The following GALNT17 variants were observed in gnomAD, a reference collection of about 807,000 sequenced individuals.
GALNT17 encodes UDP-GalNAc:polypeptide N-acetylgalactosaminyltransferase-like 3.
Under a neutral mutation model 63.7 loss-of-function variants are expected in GALNT17, and 29 were observed. That is an observed-to-expected ratio of 0.46 (90% CI 0.34 to 0.62). The LOEUF is 0.62. GALNT17 is among the 20% of genes least tolerant of loss of function. GALNT17 has a pLI of 0.01. For synonymous variants in GALNT17, 305 were observed against 318.3 expected (o/e 0.96, Z 0.45); for missense variants, 603 against 799.6 (o/e 0.75, Z 2.97).
chr7:71,386,574 G>A (rs1792948824), intron 2 of GALNT17, among the ~76,000 whole-genome samples: 1 of 152,276 alleles, frequency 6.6e-6, no homozygotes, highest in African/African-American at 2.4e-5. Context: ...AGCAGAGCAC[G>A]TTCCCCGGGT....
intron 2 of GALNT17, among the ~76,000 whole-genome samples, chr7:71,378,981 G>A (rs1191622302): frequency 2.6e-5 from 4 of 152,086 alleles, no homozygotes; most frequent in Admixed American, 6.6e-5. Context: ...CAGCCTGGGC[G>A]ACAGAGCAAA....
At chr7:71,287,056 G>T (rs1790887832) in intron 1 of GALNT17, among the ~76,000 whole-genome samples, 1 of 151,780 alleles carries the variant, frequency 6.6e-6, no homozygotes, top group Non-Finnish European at 1.5e-5. Flanking sequence ...GGGATTACAG[G>T]CATGAGTTAC....
chr7:71,479,730 C>G (rs1192806628), intron 5 of GALNT17, among the ~76,000 whole-genome samples: 1 of 152,104 alleles, frequency 6.6e-6, no homozygotes, highest in Non-Finnish European at 1.5e-5. Flanking sequence ...AAGAAAATTG[C>G]ATTTGAACAG....
chr7:71,647,123 G>A (rs989894595), intron 6 of GALNT17, among the ~76,000 whole-genome samples: 5 of 151,704 alleles, frequency 3.3e-5, no homozygotes, highest in African/African-American at 9.7e-5. Context: ...GGAGTGCAGT[G>A]GTGCGATCTT....
At chr7:71,228,178 A>AGCTGTCTCTAAACAGCCCC (rs1410317270) in intron 1 of GALNT17, among the ~76,000 whole-genome samples, 1 of 152,128 alleles carries the variant, frequency 6.6e-6, no homozygotes, top group Non-Finnish European at 1.5e-5. Context: ...CACACAGCCC[A>AGCTGTCTCTAAACAGCCCC]GCTGTCTCTA....
chr7:71,592,328 T>C (rs1789814672), intron 6 of GALNT17, among the ~76,000 whole-genome samples: 1 of 151,870 alleles, frequency 6.6e-6, no homozygotes, highest in African/African-American at 2.4e-5. Flanking sequence ...TTTTGCAGCA[T>C]GACGCTTAGG....
intron 1 of GALNT17, among the ~76,000 whole-genome samples, chr7:71,185,097 C>CCTT (rs147425060): frequency 0.026 from 3,634 of 139,676 alleles, 205 homozygotes; most frequent in East Asian, 0.084. Context: ...CCTTCTTCTC[C>CCTT]CTTCTTCCTC....
chr7:71,501,978 C>T (rs929036978), intron 5 of GALNT17, among the ~76,000 whole-genome samples: 1 of 152,100 alleles, frequency 6.6e-6, no homozygotes, highest in African/African-American at 2.4e-5. Flanking sequence ...GACCCTTCAG[C>T]TGCACTCAGA....
rs567197395 is a variant in GALNT17, at chr7:71,680,737, C to T, written c.1500+3431C>T. Among the ~76,000 whole-genome samples, 513 of 59,852 alleles carry T rather than the reference C, an allele frequency of 8.6e-3. 16 individuals carry two copies. The highest frequency in any genetic ancestry group is 0.024 in the African/African-American group (485 of 19,914). The allele number at this position is 59,852 out of a possible 152,430, so 39.3% of individuals were successfully genotyped here. A position where few individuals can be genotyped will look rare whatever the true frequency, so the allele number is the denominator to read the frequency against. On this transcript the variant is annotated intron_variant, in intron 9 of 10. Transcript: ENST00000333538. ...TCCTTCCTCCCTCTCTCCCTCCCTCCTTCCTTTCTTCCTTTCCTTTTGTTT... is the reference window on the plus strand; with the variant it reads ...TCCTTCCTCCCTCTCTCCCTCCCTCTTTCCTTTCTTCCTTTCCTTTTGTTT...
chr7:71,569,942 T>C (rs1789410640), intron 5 of GALNT17, among the ~76,000 whole-genome samples: 1 of 152,222 alleles, frequency 6.6e-6, no homozygotes, highest in Non-Finnish European at 1.5e-5. Flanking sequence ...TTTAGTTCTT[T>C]GAGAAATTTC....
intron 5 of GALNT17, 116 bp downstream of exon 5, chr7:71,421,221 C>A: frequency 9.0e-7 from 1 of 1,105,510 alleles, no homozygotes; most frequent in Non-Finnish European, 1.3e-6. Context: ...GTGCACACAG[C>A]TCTCCAGGAG....
intron 3 of GALNT17, among the ~76,000 whole-genome samples, chr7:71,388,676 G>A (rs778604213): frequency 2.6e-5 from 4 of 151,386 alleles, no homozygotes; most frequent in African/African-American, 4.9e-5. Flanking sequence ...ACAGGCACCC[G>A]GCACCACGCC....
chr7:71,305,447 C>T (rs1257857060), intron 1 of GALNT17, among the ~76,000 whole-genome samples: 2 of 152,184 alleles, frequency 1.3e-5, no homozygotes, highest in African/African-American at 4.8e-5. Context: ...AATTTTTCTA[C>T]CCCCTGGGAT....
In GALNT17 at chr7:71,263,720, G is replaced by A. The variant is rs552807471; in HGVS notation, c.239-71830G>A. 1.8e-3 allele frequency among the ~76,000 whole-genome samples: 276 copies of A among 152,088 alleles called. 1 individual carries two copies. Among genetic ancestry groups the A allele is most frequent in the Non-Finnish European group, 3.0e-3 (207 of 67,986 alleles). On this transcript the variant is annotated intron_variant, in intron 1 of 10. Transcript: ENST00000333538. ...GGGCGGATCACTAGGTCAGGAGATC[G>A]AGACCATCCTGGCTAACACGGTGAA...
chr7:71,590,778 A>G (rs964310071), intron 6 of GALNT17, among the ~76,000 whole-genome samples: 4 of 151,922 alleles, frequency 2.6e-5, no homozygotes, highest in Admixed American at 1.3e-4. Flanking sequence ...CCCAGGCTGG[A>G]GTGTAGTGGC....
intron 1 of GALNT17, among the ~76,000 whole-genome samples, chr7:71,290,848 A>G (rs1256722773): frequency 6.6e-6 from 1 of 152,170 alleles, no homozygotes; most frequent in Non-Finnish European, 1.5e-5. Context: ...AATTGGAAAC[A>G]GTGTGGTTAG....
intron 5 of GALNT17, among the ~76,000 whole-genome samples, chr7:71,467,342 A>G (rs1167555431): frequency 6.6e-6 from 1 of 152,174 alleles, no homozygotes; most frequent in Non-Finnish European, 1.5e-5. Flanking sequence ...TTATAGATCA[A>G]TAGATTCAGC....
chr7:71,385,615 G>A (rs912322627), intron 2 of GALNT17, among the ~76,000 whole-genome samples: 2 of 152,138 alleles, frequency 1.3e-5, no homozygotes, highest in Non-Finnish European at 2.9e-5. Context: ...AGGTGGAGCC[G>A]GCTTCTGCTC....
chr7:71,384,663 G>A (rs1792907945), intron 2 of GALNT17, among the ~76,000 whole-genome samples: 1 of 152,198 alleles, frequency 6.6e-6, no homozygotes, highest in African/African-American at 2.4e-5. Flanking sequence ...ATAGGAATTA[G>A]CCCGGTAGGA....
Sources: gnomAD v4.1 joint callset for allele counts (sites outside exome capture counted in the v4.1 genomes callset) on GRCh38, gnomAD v4.1.1 for gene constraint, MANE v1.5 for transcripts, NCBI Gene and HGNC (gene_info 2026-07-23, HGNC 2026-07-21) for gene names.